The following FAM193A variants were observed in gnomAD, a reference collection of about 807,000 sequenced individuals.
The protein encoded by FAM193A is protein FAM193A.
FAM193A carries 22 observed loss-of-function variants against 126.5 expected under a neutral mutation model. The ratio of observed to expected loss-of-function variants is 0.17; its 90% CI spans 0.12 to 0.25. FAM193A has a LOEUF of 0.25. Among genes scored for constraint, FAM193A ranks in the 10% least tolerant of loss-of-function variants. The pLI is 1.00. For missense variants in FAM193A, 1,675 were observed against 1,672.8 expected, an observed-to-expected ratio of 1.00 and a Z score of -0.02; for synonymous variants, 761 against 646.8, an observed-to-expected ratio of 1.18 and a Z score of -2.68.
intron 2 of FAM193A, chr4:2,608,183 C>T: frequency 6.5e-7 from 1 of 1,527,714 alleles, no homozygotes; most frequent in Non-Finnish European, 9.0e-7. Context: ...AAGAGGACTT[C>T]ATTTTTCTTT....
At chr4:2,548,445 T>C (rs1737704395) in intron 1 of FAM193A, among the ~76,000 whole-genome samples, 1 of 151,860 alleles carries the variant, frequency 6.6e-6, no homozygotes, top group Non-Finnish European at 1.5e-5. Flanking sequence ...TGCCAACATT[T>C]TCTTCAACTG....
At chr4:2,538,794 GCACAA>G (rs1172852162) in intron 1 of FAM193A, among the ~76,000 whole-genome samples, 1 of 152,120 alleles carries the variant, frequency 6.6e-6, no homozygotes, top group Non-Finnish European at 1.5e-5. Flanking sequence ...CCAGTTGGTG[GCACAA>G]TAAAATTCTT....
At chr4:2,730,857 C>T (rs1019904871) in intron 20 of FAM193A, among the ~76,000 whole-genome samples, 1 of 151,982 alleles carries the variant, frequency 6.6e-6, no homozygotes, top group Non-Finnish European at 1.5e-5. Context: ...CGTGCCACTG[C>T]ACTCCAGCCT....
chr4:2,639,722 T>C lies in FAM193A; in HGVS notation c.1039-13T>C. The C allele has an allele frequency of 1.2e-6, 2 of 1,605,088 alleles. No homozygotes were observed. ...CTACATCTTCTGTTTATCTTTTACT[T>C]TTTCTTAACCAGGAAAATGAACACT... On this transcript the variant is annotated splice_polypyrimidine_tract_variant and intron_variant, in intron 5 of 20. Transcript: ENST00000637812.
chr4:2,620,836 C>CAAAAAAAAAAAGAAAAAAAAA (rs1207985820), intron 2 of FAM193A, among the ~76,000 whole-genome samples: 2 of 69,100 alleles, frequency 2.9e-5, no homozygotes, highest in Admixed American at 1.8e-4. Context: ...AACTCCGTCT[C>CAAAAAAAAAAAGAAAAAAAAA]AAAAAAAAAA....
chr4:2,702,091 T>C (rs1477077907), intron 19 of FAM193A, among the ~76,000 whole-genome samples: 1 of 152,164 alleles, frequency 6.6e-6, no homozygotes, highest in Non-Finnish European at 1.5e-5. Context: ...AATTTTCTAA[T>C]ATTATTCTTT....
At chr4:2,677,963 T>C (rs1714622357) in intron 13 of FAM193A, among the ~76,000 whole-genome samples, 1 of 152,144 alleles carries the variant, frequency 6.6e-6, no homozygotes, top group Admixed American at 6.5e-5. Context: ...ATTTATGTTT[T>C]TTTAATTTCT....
At chr4:2,543,033 A>C (rs1467774751) in intron 1 of FAM193A, among the ~76,000 whole-genome samples, 1 of 152,022 alleles carries the variant, frequency 6.6e-6, no homozygotes, top group Non-Finnish European at 1.5e-5. Flanking sequence ...GGGAACCACA[A>C]ATTTGTTAGG....
chr4:2,655,194 A>C (rs950998089), intron 7 of FAM193A: 1 of 617,520 alleles, frequency 1.6e-6, no homozygotes, highest in African/African-American at 1.8e-5. Flanking sequence ...TAGCAAATTA[A>C]AGAAGTTTAC....
chr4:2,708,867 T>C (rs753275933), intron 19 of FAM193A, among the ~76,000 whole-genome samples: 8 of 152,224 alleles, frequency 5.3e-5, no homozygotes, highest in African/African-American at 1.2e-4. Flanking sequence ...TGTGTACAAA[T>C]AGAGAAAGTT....
In FAM193A at chr4:2,672,354, C is replaced by T. The variant is rs769540793; in HGVS notation, c.2313C>T (p.Pro771=). Residue 771 remains proline (P), a synonymous_variant, in exon 13 of 21, where the codon CCC becomes CCT. Coordinates refer to ENST00000637812, the MANE Select transcript of FAM193A (RefSeq NM_001366318.2). ...TCCACCCCACCTTGTATGCAACGCC[C>T]CCCTTCACACACAGTAAGGTAAGTC... is the stretch of plus-strand genomic sequence containing the variant. ...PLIHPTLYAT[P]PFTHSKALPP... 54 of 1,614,048 alleles carry T rather than the reference C, an allele frequency of 3.3e-5. 2 individuals carry two copies. The African/African-American group carries it at 4.0e-4, about 12-fold the overall frequency.
chr4:2,589,344 G>A (rs995433175), intron 1 of FAM193A, among the ~76,000 whole-genome samples: 2 of 152,182 alleles, frequency 1.3e-5, no homozygotes, highest in Non-Finnish European at 2.9e-5. Context: ...ATTAAAAACA[G>A]TTGCAGTTTT....
At chr4:2,561,678 G>A (rs1247453275) in intron 1 of FAM193A, among the ~76,000 whole-genome samples, 2 of 151,530 alleles carry the variant, frequency 1.3e-5, no homozygotes, top group Non-Finnish European at 2.9e-5. Flanking sequence ...TGTATGTTTA[G>A]TACAGACGGG....
intron 2 of FAM193A, among the ~76,000 whole-genome samples, chr4:2,619,957 C>G (rs974392642): frequency 6.6e-6 from 1 of 152,166 alleles, no homozygotes; most frequent in Non-Finnish European, 1.5e-5. Context: ...TCTGAAAGTG[C>G]TGGGATTACA....
intron 12 of FAM193A, among the ~76,000 whole-genome samples, chr4:2,665,627 G>A (rs959926119): frequency 3.3e-5 from 5 of 152,234 alleles, no homozygotes; most frequent in Admixed American, 2.6e-4. Flanking sequence ...TGCTGCCTCA[G>A]CCTCCCAGGT....
chr4:2,693,665 G>C lies in FAM193A; in HGVS notation c.2883G>C (p.Leu961Phe). The C allele has an allele frequency of 6.2e-7, 1 of 1,614,174 alleles. No homozygotes were observed. Among genetic ancestry groups the C allele is most frequent in the Non-Finnish European group, 8.5e-7 (1 of 1,180,018 alleles). The change falls in exon 16 of 21, where the codon TTG becomes TTC. Residue 961 changes from leucine to phenylalanine, a missense_variant. Physicochemically the swap from Leu to Phe is conservative, Grantham distance 22. Transcript: ENST00000637812. ...CCCCGAGGAATAGCCCCACGGGCTTGGCCCCCCTCCCAGCGCTCTCGCCTG... is the reference window on the plus strand; with the variant it reads ...CCCCGAGGAATAGCCCCACGGGCTTCGCCCCCCTCCCAGCGCTCTCGCCTG... ...PAAPRNSPTG[L>F]APLPALSPAA...
chr4:2,624,179 C>G (rs1344455608), intron 2 of FAM193A, among the ~76,000 whole-genome samples: 1 of 151,734 alleles, frequency 6.6e-6, no homozygotes, highest in Admixed American at 6.6e-5. Flanking sequence ...AATGTTCTCT[C>G]TCTCTTTTTT....
chr4:2,596,374 C>G, intron 2 of FAM193A, 45 bp downstream of exon 2: 1 of 688,658 alleles, frequency 1.5e-6, no homozygotes. Context: ...TGGCTCCCCC[C>G]GCCCAGGTTA....
At chr4:2,713,404 C>G (rs569084051) in intron 19 of FAM193A, among the ~76,000 whole-genome samples, 1 of 152,084 alleles carries the variant, frequency 6.6e-6, no homozygotes, top group African/African-American at 2.4e-5. Context: ...GACTCCTTAT[C>G]AGAAAACAAA....
Sources: allele counts gnomAD v4.1 joint callset (sites outside exome capture counted in the v4.1 genomes callset), GRCh38; gene constraint gnomAD v4.1.1; transcripts MANE v1.5; gene names NCBI Gene and HGNC (gene_info 2026-07-23, HGNC 2026-07-21).